The following HCN1 variants were observed in gnomAD, a reference collection of about 807,000 sequenced individuals.
HCN1 encodes hyperpolarization activated cyclic nucleotide gated potassium channel 1, also known as potassium/sodium hyperpolarization-activated cyclic nucleotide-gated channel 1.
HCN1 carries 13 observed loss-of-function variants against 78.9 expected under a neutral mutation model. That is an observed-to-expected ratio of 0.16 (90% CI 0.11 to 0.26). HCN1 has a LOEUF of 0.26. Ranked by LOEUF, HCN1 falls within the 10% of genes least tolerant of loss-of-function variation. The probability of loss-of-function intolerance (pLI) is 1.00; values close to 1 mark genes in which losing one functional copy is unlikely to be tolerated. For missense variants in HCN1, 810 were observed against 1,154.3 expected (o/e 0.70, Z 4.32); for synonymous variants, 552 against 455.5 (o/e 1.21, Z -2.70).
chr5:45,446,262 G>C (rs1740794995), intron 3 of HCN1, among the ~76,000 whole-genome samples: 1 of 152,222 alleles, frequency 6.6e-6, no homozygotes, highest in Non-Finnish European at 1.5e-5. Flanking sequence ...AGGAGCCAAT[G>C]CGATCAACTG....
At chr5:45,447,849 T>C (rs979487301) in intron 3 of HCN1, among the ~76,000 whole-genome samples, 1 of 151,668 alleles carries the variant, frequency 6.6e-6, no homozygotes, top group Non-Finnish European at 1.5e-5. Context: ...ACAAGATTTT[T>C]CCCCTCATAA....
At chr5:45,427,097 T>A (rs1425677411) in intron 3 of HCN1, among the ~76,000 whole-genome samples, 2 of 152,092 alleles carry the variant, frequency 1.3e-5, no homozygotes, top group African/African-American at 2.4e-5. Flanking sequence ...TAAGGTTAAA[T>A]TCTTTTTGCA....
intron 4 of HCN1, among the ~76,000 whole-genome samples, chr5:45,366,308 G>A (rs1409545061): frequency 6.6e-6 from 1 of 151,540 alleles, no homozygotes; most frequent in African/African-American, 2.4e-5. Flanking sequence ...TTCACTATCT[G>A]CAATAAACAG....
intron 1 of HCN1, among the ~76,000 whole-genome samples, chr5:45,677,695 AAG>A (rs1490720682): frequency 6.6e-6 from 1 of 151,990 alleles, no homozygotes; most frequent in African/African-American, 2.4e-5. Context: ...AATGACAAGC[AAG>A]AGAGAGAAAG....
rs763007932 is a variant in HCN1 at position 45,267,126 on chromosome 5, G to C, written c.1746C>G (p.Ala582=). The C allele has an allele frequency of 1.9e-6, 3 of 1,613,814 alleles. No homozygotes were observed. Among genetic ancestry groups the C allele is most frequent in the Non-Finnish European group, 2.5e-6 (3 of 1,179,864 alleles). ...VLEEYPMMRR[A]FETVAIDRLD... ...GTCGGTCAATGGCAACTGTCTCAAA[G>C]GCTCTCCTCATCATTGGATATTCCT... Residue 582 remains alanine, a synonymous_variant, in exon 7 of 8, where the codon GCC becomes GCG. Transcript: ENST00000303230.
intron 5 of HCN1, among the ~76,000 whole-genome samples, chr5:45,320,844 T>C (rs1165977477): frequency 6.6e-6 from 1 of 151,902 alleles, no homozygotes; most frequent in Non-Finnish European, 1.5e-5. Context: ...TGAATCCCTT[T>C]ATACATAGCA....
chr5:45,280,453 G>A (rs1481327362), intron 6 of HCN1, among the ~76,000 whole-genome samples: 1 of 152,170 alleles, frequency 6.6e-6, no homozygotes, highest in African/African-American at 2.4e-5. Flanking sequence ...CTCAACCTCA[G>A]CCCTACTGAC....
At chr5:45,496,209 T>C (rs1394851065) in intron 2 of HCN1, among the ~76,000 whole-genome samples, 3 of 152,070 alleles carry the variant, frequency 2.0e-5, no homozygotes, top group Non-Finnish European at 4.4e-5. Flanking sequence ...TGGTAGAATT[T>C]GGCTGTGAAT....
At chr5:45,545,298 AT>A (rs1451440900) in intron 2 of HCN1, among the ~76,000 whole-genome samples, 1 of 151,646 alleles carries the variant, frequency 6.6e-6, no homozygotes, top group South Asian at 2.1e-4. Flanking sequence ...GGGTTGTTTG[AT>A]TTTTTTCTTA....
At chr5:45,454,958 T>C (rs1740994393) in intron 3 of HCN1, among the ~76,000 whole-genome samples, 2 of 152,110 alleles carry the variant, frequency 1.3e-5, no homozygotes, top group Admixed American at 6.6e-5. Context: ...GTTTTTGAGC[T>C]AGAAGTGCCT....
chr5:45,445,141 G>T (rs533795995), intron 3 of HCN1, among the ~76,000 whole-genome samples: 1 of 152,154 alleles, frequency 6.6e-6, no homozygotes, highest in African/African-American at 2.4e-5. Context: ...TCAAAGAAAG[G>T]GGTGACAGAT....
At chr5:45,262,942 CT>C in intron 7 of HCN1, 132 bp from the exon 8 acceptor site, 1 of 871,940 alleles carries the variant, frequency 1.1e-6, no homozygotes, top group Non-Finnish European at 1.8e-6. Context: ...AGTCACTCAC[CT>C]TTACACACCA....
intron 5 of HCN1, among the ~76,000 whole-genome samples, chr5:45,338,474 T>C (rs1444970400): frequency 2.6e-5 from 4 of 152,204 alleles, no homozygotes; most frequent in Non-Finnish European, 5.9e-5. Flanking sequence ...GATGTGTGTA[T>C]ACACATTTTA....
At chr5:45,285,472 T>TATAAA (rs1485350731) in intron 6 of HCN1, among the ~76,000 whole-genome samples, 3 of 152,010 alleles carry the variant, frequency 2.0e-5, no homozygotes, top group African/African-American at 7.2e-5. Flanking sequence ...TCTGAGGTCC[T>TATAAA]ATAGACTTAG....
intron 3 of HCN1, among the ~76,000 whole-genome samples, chr5:45,410,948 C>T (rs1740010020): frequency 6.6e-6 from 1 of 151,822 alleles, no homozygotes; most frequent in South Asian, 2.1e-4. Context: ...TGTGTAGACT[C>T]CTTGATCTCA....
In HCN1 at chr5:45,308,286, A is replaced by C. The variant is rs185972584; in HGVS notation, c.1378-4447T>G. Among the ~76,000 whole-genome samples, 201 of 152,192 alleles carry C rather than the reference A, an allele frequency of 1.3e-3. 1 individual carries two copies. The highest frequency in any genetic ancestry group is 1.8e-3 in the Non-Finnish European group (120 of 68,000). On this transcript the variant is annotated intron_variant, in intron 5 of 7. Coordinates refer to ENST00000303230, the MANE Select transcript of HCN1 (RefSeq NM_021072.4). The stretch of plus-strand genomic sequence containing the variant: ...AGGCTGCTGAATCGTGAGACAAATA[A>C]ATTTCTTTATAAATAACTCAGTCTC...
chr5:45,435,241 G>A (rs1740539265), intron 3 of HCN1, among the ~76,000 whole-genome samples: 1 of 151,940 alleles, frequency 6.6e-6, no homozygotes, highest in Admixed American at 6.6e-5. Context: ...GTTCCCCAAT[G>A]TATTGATACG....
chr5:45,511,009 G>T (rs954850466), intron 2 of HCN1, among the ~76,000 whole-genome samples: 1 of 151,234 alleles, frequency 6.6e-6, no homozygotes, highest in Admixed American at 6.6e-5. Context: ...CATCATGTAG[G>T]TAATATGATG....
chr5:45,281,022 A>C (rs1160311680), intron 6 of HCN1, among the ~76,000 whole-genome samples: 1 of 152,104 alleles, frequency 6.6e-6, no homozygotes, highest in Non-Finnish European at 1.5e-5. Flanking sequence ...GAGGCAAAAA[A>C]AAAAAATACA....
Sources: gnomAD v4.1 joint callset for allele counts (sites outside exome capture counted in the v4.1 genomes callset) on GRCh38, gnomAD v4.1.1 for gene constraint, MANE v1.5 for transcripts, NCBI Gene and HGNC (gene_info 2026-07-23, HGNC 2026-07-21) for gene names.